Variants in VAMP7 observed in about 807,000 individuals in gnomAD.
VAMP7 encodes vesicle-associated membrane protein 7.
Under a neutral mutation model 29.6 loss-of-function variants are expected in VAMP7, and 14 were observed. The ratio of observed to expected loss-of-function variants is 0.47; its 90% CI spans 0.31 to 0.74. The LOEUF (loss-of-function observed/expected upper bound fraction) is 0.74, where lower values mean the gene tolerates loss of function less well. VAMP7 is among the 30% of genes least tolerant of loss of function. VAMP7 has a pLI of 0.05. For synonymous variants in VAMP7, 95 were observed against 88.1 expected (o/e 1.08, Z -0.44); for missense variants, 223 against 262.4 (o/e 0.85, Z 1.04).
chrX:155,887,421 CAAG>C (rs2065877664), intron 1 of VAMP7, among the ~76,000 whole-genome samples: 1 of 152,030 alleles, frequency 6.6e-6, no homozygotes, highest in Non-Finnish European at 1.5e-5. Context: ...AGGAGCATTT[CAAG>C]AAGGAGGGTC....
intron 6 of VAMP7, among the ~76,000 whole-genome samples, chrX:155,932,994 C>A (rs1313247197): frequency 1.6e-4 from 24 of 152,210 alleles, no homozygotes; most frequent in Admixed American, 1.2e-3. Flanking sequence ...TGTTTATATG[C>A]TGGATTACAT....
intron 6 of VAMP7, among the ~76,000 whole-genome samples, chrX:155,923,903 C>G (rs1209412362): frequency 2.0e-5 from 3 of 152,236 alleles, no homozygotes; most frequent in Non-Finnish European, 2.9e-5. Context: ...TCTGCTGTTT[C>G]TGTCCTGTGT....
chrX:155,908,432 G>A (rs1312922672), intron 5 of VAMP7, among the ~76,000 whole-genome samples: 21 of 152,152 alleles, frequency 1.4e-4, no homozygotes, highest in Admixed American at 1.2e-3. Flanking sequence ...GGCAGCACTC[G>A]GCAGGCTGAG....
At chrX:155,935,960 G>A (rs1478295911) in intron 6 of VAMP7, among the ~76,000 whole-genome samples, 1 of 152,074 alleles carries the variant, frequency 6.6e-6, no homozygotes, top group Middle Eastern at 3.2e-3. Context: ...TTTGTCGGAG[G>A]GCCACTCCAG....
chrX:155,923,480 TTTC>T (rs1398655770), intron 6 of VAMP7, among the ~76,000 whole-genome samples: 1 of 151,898 alleles, frequency 6.6e-6, no homozygotes, highest in African/African-American at 2.4e-5. Context: ...GTCAGTGATT[TTTC>T]TTTCTTTTAA....
intron 2 of VAMP7, among the ~76,000 whole-genome samples, chrX:155,893,575 G>A (rs1444209852): frequency 5.9e-5 from 9 of 152,164 alleles, no homozygotes; most frequent in African/African-American, 2.2e-4. Flanking sequence ...TGGAGACTGC[G>A]TGAGGTGCCC....
Position 155,942,192 on chromosome X carries a change from A to G in VAMP7, c.*241A>G, listed in dbSNP as rs1403920517. The G allele has an allele frequency of 3.9e-6, 6 of 1,529,278 alleles. No individual in the cohort carries two copies. The African/African-American group carries it at 5.6e-5, about 14-fold the overall frequency. 94.7% of individuals were successfully genotyped at this position (1,529,278 alleles called of 1,614,324 possible). On this transcript the variant is annotated 3_prime_UTR_variant, in exon 8 of 8. Coordinates refer to ENST00000286448, the MANE Select transcript of VAMP7 (RefSeq NM_005638.6). ...AGTAGCCTTAAAAAGGCTTTTGTTT[A>G]TTTCTTTGGTTTGTTAACTAGTGTC...
At chrX:155,930,489 CA>C (rs35835800) in intron 6 of VAMP7, among the ~76,000 whole-genome samples, 9,832 of 144,982 alleles carry the variant, frequency 0.068, 861 homozygotes, top group African/African-American at 0.21. Context: ...CAAAACCAAA[CA>C]AAAAAAAAAA....
intron 1 of VAMP7, among the ~76,000 whole-genome samples, chrX:155,882,776 A>T (rs762458239): frequency 6.6e-6 from 1 of 152,238 alleles, no homozygotes; most frequent in African/African-American, 2.4e-5. Flanking sequence ...AATATGCTCA[A>T]TGTTCACTCA....
rs2066256149 is a variant in VAMP7 at position 155,912,759 on chromosome X, A to G, written c.434-7054A>G. ...CCACATTTTCTTTATCCAGTCTATC[A>G]TTGTTGGGCATTTGGGTTGGTTCCA... On this transcript the variant is annotated intron_variant, in intron 5 of 7. Transcript: ENST00000286448. 4.6e-5 allele frequency among the ~76,000 whole-genome samples: 7 copies of G among 152,046 alleles called. No individual in the cohort carries two copies. The South Asian group carries it at 1.5e-3, about 32-fold the overall frequency.
At chrX:155,882,385 G>A (rs1274849752) in intron 1 of VAMP7, among the ~76,000 whole-genome samples, 1 of 152,170 alleles carries the variant, frequency 6.6e-6, no homozygotes, top group Non-Finnish European at 1.5e-5. Flanking sequence ...AATAAAACAG[G>A]TGGTTGACTT....
At chrX:155,888,109 T>C (rs762641989) in intron 1 of VAMP7, among the ~76,000 whole-genome samples, 27 of 152,262 alleles carry the variant, frequency 1.8e-4, no homozygotes, top group African/African-American at 6.5e-4. Flanking sequence ...GGGGAACAAC[T>C]TCAGTTAGAG....
At chrX:155,936,517 C>T (rs184639967) in intron 6 of VAMP7, among the ~76,000 whole-genome samples, 1 of 152,322 alleles carries the variant, frequency 6.6e-6, no homozygotes, top group South Asian at 2.1e-4. Context: ...GATATAATCT[C>T]CTGGTGTGCT....
At chrX:155,932,305 G>T (rs751230349) in intron 6 of VAMP7, among the ~76,000 whole-genome samples, 35 of 152,246 alleles carry the variant, frequency 2.3e-4, no homozygotes, top group Non-Finnish European at 3.7e-4. Context: ...GGGCAGTATG[G>T]CCATTTTCAT....
chrX:155,940,366 G>T (rs1389131340), intron 7 of VAMP7, among the ~76,000 whole-genome samples: 1 of 152,090 alleles, frequency 6.6e-6, no homozygotes, highest in African/African-American at 2.4e-5. Context: ...CTCTGACCCT[G>T]CTTCTCCTCT....
chrX:155,905,100 G>T (rs1470019721), intron 5 of VAMP7, among the ~76,000 whole-genome samples: 3 of 151,706 alleles, frequency 2.0e-5, no homozygotes, highest in East Asian at 3.9e-4. Flanking sequence ...TATCTTTTTT[G>T]ATTATACCCA....
rs181916279 is a variant in VAMP7 at position 155,905,554 on chromosome X, A to G, written c.433+4967A>G. On this transcript the variant is annotated intron_variant, in intron 5 of 7. Coordinates refer to ENST00000286448, the MANE Select transcript of VAMP7 (RefSeq NM_005638.6). ...AGTTTTAGCTCTTACATTTCTATCT[A>G]TGATCTATTTTGAGTTAATGTTTAT... is the stretch of plus-strand genomic sequence containing the variant. Among the ~76,000 whole-genome samples the G allele has an allele frequency of 1.9e-3, 289 of 152,244 alleles. 1 individual carries two copies. The highest frequency in any genetic ancestry group is 6.6e-3 in the African/African-American group (276 of 41,568).
intron 5 of VAMP7, among the ~76,000 whole-genome samples, chrX:155,900,999 A>G (rs1295123664): frequency 6.6e-6 from 1 of 151,986 alleles, no homozygotes; most frequent in African/African-American, 2.4e-5. Context: ...GAAGAATGTC[A>G]ATCAATATTG....
chrX:155,940,928 G>A (rs1368831170), intron 7 of VAMP7, among the ~76,000 whole-genome samples: 13 of 152,128 alleles, frequency 8.5e-5, no homozygotes. Flanking sequence ...CACTTTTGGA[G>A]CAAAGGGCAT....
Sources: gnomAD v4.1 joint callset for allele counts (sites outside exome capture counted in the v4.1 genomes callset) on GRCh38, gnomAD v4.1.1 for gene constraint, MANE v1.5 for transcripts, NCBI Gene and HGNC (gene_info 2026-07-23, HGNC 2026-07-21) for gene names.